Variants in GPC5 observed in about 807,000 individuals in gnomAD.
The protein encoded by GPC5 is glypican-5.
In GPC5, 47 loss-of-function variants were observed where a neutral mutation model predicts 53.9. The observed-to-expected ratio is 0.87, with a 90% CI of 0.69 to 1.11. GPC5 has a LOEUF of 1.11. GPC5 is among the 50% of genes most tolerant of loss of function. GPC5 has a pLI of 0.00. For missense variants in GPC5, 748 were observed against 713.1 expected (o/e 1.05, Z -0.56); for synonymous variants, 286 against 263.3 (o/e 1.09, Z -0.84).
intron 5 of GPC5, among the ~76,000 whole-genome samples, chr13:91,842,629 G>A (rs1453857919): frequency 7.1e-6 from 1 of 140,468 alleles, no homozygotes; most frequent in Non-Finnish European, 1.5e-5. Flanking sequence ...ATGAACCTGG[G>A]AGGCGGAGCT....
chr13:91,786,370 A>G (rs556483), intron 5 of GPC5, among the ~76,000 whole-genome samples: 56,662 of 152,024 alleles, frequency 0.37, 12,129 homozygotes, highest in African/African-American at 0.59. Context: ...CTTGGTCCCC[A>G]GTGACCTCTC....
At chr13:92,751,543 G>T (rs1467632174) in intron 7 of GPC5, among the ~76,000 whole-genome samples, 1 of 145,184 alleles carries the variant, frequency 6.9e-6, no homozygotes, top group Non-Finnish European at 1.5e-5. Context: ...TAACACATGA[G>T]TCTTGGTCCT....
At chr13:91,474,577 C>A (rs1882823116) in intron 2 of GPC5, among the ~76,000 whole-genome samples, 1 of 151,970 alleles carries the variant, frequency 6.6e-6, no homozygotes, top group Admixed American at 6.6e-5. Flanking sequence ...ATCACATGAG[C>A]AAATTTTCTA....
At chr13:91,567,417 G>A (rs2031583500) in intron 2 of GPC5, among the ~76,000 whole-genome samples, 1 of 152,138 alleles carries the variant, frequency 6.6e-6, no homozygotes, top group African/African-American at 2.4e-5. Flanking sequence ...TAAAAAAAGG[G>A]GGATTAACAC....
intron 6 of GPC5, among the ~76,000 whole-genome samples, chr13:92,041,685 C>T (rs1489569520): frequency 6.6e-6 from 1 of 152,160 alleles, no homozygotes; most frequent in Non-Finnish European, 1.5e-5. Flanking sequence ...GTAATGATTA[C>T]GCCTTTATTC....
intron 7 of GPC5, among the ~76,000 whole-genome samples, chr13:92,573,814 T>A (rs1883108714): frequency 6.6e-6 from 1 of 152,158 alleles, no homozygotes; most frequent in Non-Finnish European, 1.5e-5. Flanking sequence ...CACTGCATAT[T>A]CCAGTTGTCA....
chr13:92,737,174 A>G (rs1040313940), intron 7 of GPC5, among the ~76,000 whole-genome samples: 18 of 152,096 alleles, frequency 1.2e-4, no homozygotes, highest in African/African-American at 4.3e-4. Flanking sequence ...GACAGCGAGT[A>G]TATATTTTCA....
At chr13:92,734,445 T>C (rs906569309) in intron 7 of GPC5, among the ~76,000 whole-genome samples, 2 of 151,936 alleles carry the variant, frequency 1.3e-5, no homozygotes, top group Non-Finnish European at 2.9e-5. Flanking sequence ...AAGCTTTGTA[T>C]AGCTCATACA....
In GPC5 at chr13:92,626,951, A is replaced by C. The variant is rs116311903; in HGVS notation, c.1562-239331A>C. Among the ~76,000 whole-genome samples the C allele has an allele frequency of 5.8e-3, 885 of 152,298 alleles. 7 individuals carry two copies. The highest frequency in any genetic ancestry group is 0.02 in the African/African-American group (829 of 41,562). ...GCCTTCTATAACATCAAATAATAAC[A>C]TATTATGTTTTCCTCTTACAGAAGT... On this transcript the variant is annotated intron_variant, in intron 7 of 7. Transcript: ENST00000377067.
At chr13:91,630,833 TTG>T (rs1405108203) in intron 2 of GPC5, among the ~76,000 whole-genome samples, 1 of 151,950 alleles carries the variant, frequency 6.6e-6, no homozygotes, top group Non-Finnish European at 1.5e-5. Context: ...GGTTTTTCTT[TTG>T]TTTTTTTGTT....
At chr13:92,381,887 T>TC (rs1486520409) in intron 7 of GPC5, among the ~76,000 whole-genome samples, 3 of 91,146 alleles carry the variant, frequency 3.3e-5, no homozygotes, top group African/African-American at 1.2e-4. Flanking sequence ...TGATTATATA[T>TC]ATTATATATA....
intron 7 of GPC5, among the ~76,000 whole-genome samples, chr13:92,497,462 T>C (rs1390421834): frequency 6.6e-6 from 1 of 152,224 alleles, no homozygotes; most frequent in Non-Finnish European, 1.5e-5. Flanking sequence ...CATTGGTCTA[T>C]ATGTCTGTTT....
chr13:91,824,493 A>G (rs1251415475), intron 5 of GPC5, among the ~76,000 whole-genome samples: 4 of 152,122 alleles, frequency 2.6e-5, no homozygotes, highest in African/African-American at 9.6e-5. Context: ...AAGGCAGATT[A>G]AAGTTCCAGT....
chr13:92,235,401 A>G (rs1336906802), intron 7 of GPC5, among the ~76,000 whole-genome samples: 1 of 152,082 alleles, frequency 6.6e-6, no homozygotes, highest in African/African-American at 2.4e-5. Flanking sequence ...ATTAAATACA[A>G]TTTTGTTTAA....
chr13:92,465,408 C>T (rs1404852682), intron 7 of GPC5, among the ~76,000 whole-genome samples: 1 of 151,982 alleles, frequency 6.6e-6, no homozygotes, highest in Non-Finnish European at 1.5e-5. Context: ...GATATTTTAA[C>T]ATTAGTTTTT....
intron 7 of GPC5, among the ~76,000 whole-genome samples, chr13:92,741,537 G>A (rs941806157): frequency 7.2e-5 from 11 of 151,934 alleles, no homozygotes; most frequent in Non-Finnish European, 1.6e-4. Flanking sequence ...TTGAAACAGT[G>A]CATTAATAAT....
chr13:91,445,845 G>A (rs1880765769), intron 1 of GPC5, among the ~76,000 whole-genome samples: 1 of 152,164 alleles, frequency 6.6e-6, no homozygotes, highest in African/African-American at 2.4e-5. Context: ...TGGGGAACTG[G>A]AAGCATAGAA....
chr13:92,740,497 C>A (rs1471276791), intron 7 of GPC5, among the ~76,000 whole-genome samples: 3 of 152,026 alleles, frequency 2.0e-5, no homozygotes, highest in African/African-American at 7.2e-5. Flanking sequence ...GAACTTATTG[C>A]ATGTTTGCTG....
At chr13:92,390,441 C>T (rs1874942037) in intron 7 of GPC5, among the ~76,000 whole-genome samples, 1 of 152,052 alleles carries the variant, frequency 6.6e-6, no homozygotes, top group African/African-American at 2.4e-5. Flanking sequence ...AACAATGAAC[C>T]AGCATTAGGG....
Sources: gnomAD v4.1 joint callset for allele counts (sites outside exome capture counted in the v4.1 genomes callset) on GRCh38, gnomAD v4.1.1 for gene constraint, MANE v1.5 for transcripts, NCBI Gene and HGNC (gene_info 2026-07-23, HGNC 2026-07-21) for gene names.